The following DLG5 variants were observed in gnomAD, a reference collection of about 807,000 sequenced individuals.
The protein encoded by DLG5 is disks large homolog 5.
Under a neutral mutation model 189.8 loss-of-function variants are expected in DLG5, and 48 were observed. The observed-to-expected ratio is 0.25, with a 90% CI of 0.20 to 0.32. The LOEUF is 0.32. Among genes scored for constraint, DLG5 ranks in the 10% least tolerant of loss-of-function variants. DLG5 has a pLI of 1.00. For missense variants in DLG5, 2,160 were observed against 2,544.7 expected, an observed-to-expected ratio of 0.85 and a Z score of 3.25; for synonymous variants, 1,016 against 1,054.1, an observed-to-expected ratio of 0.96 and a Z score of 0.70.
chr10:77,916,842 G>A (rs556365221), intron 1 of DLG5, among the ~76,000 whole-genome samples: 27 of 148,104 alleles, frequency 1.8e-4, no homozygotes, highest in East Asian at 1.0e-3. Flanking sequence ...ATTCACAATG[G>A]CTAAAAGGTG....
At chr10:77,873,073 A>C (rs991036917) in intron 1 of DLG5, among the ~76,000 whole-genome samples, 1 of 151,698 alleles carries the variant, frequency 6.6e-6, no homozygotes, top group African/African-American at 2.4e-5. Context: ...CACCAACCAC[A>C]AACTTGTGCA....
chr10:77,914,520 G>A (rs1846308643), intron 1 of DLG5, among the ~76,000 whole-genome samples: 1 of 152,150 alleles, frequency 6.6e-6, no homozygotes, highest in East Asian at 1.9e-4. Flanking sequence ...CAGCTTAGGA[G>A]TAAAGAGCTA....
chr10:77,903,446 G>A (rs1845988703), intron 1 of DLG5, among the ~76,000 whole-genome samples: 1 of 150,284 alleles, frequency 6.7e-6, no homozygotes, highest in Non-Finnish European at 1.5e-5. Context: ...AAATAAAAAA[G>A]AAAAATAAAA....
intron 2 of DLG5, among the ~76,000 whole-genome samples, chr10:77,858,688 C>T (rs991942068): frequency 6.6e-6 from 1 of 152,090 alleles, no homozygotes; most frequent in African/African-American, 2.4e-5. Context: ...TTCCTGTCAC[C>T]TAATGACGTC....
intron 5 of DLG5, among the ~76,000 whole-genome samples, chr10:77,847,302 T>C (rs1334903975): frequency 1.3e-5 from 2 of 152,098 alleles, no homozygotes. Context: ...GCTCCACAAG[T>C]GAAAGCTCCT....
chr10:77,913,858 G>A (rs1033846321), intron 1 of DLG5, among the ~76,000 whole-genome samples: 13 of 152,042 alleles, frequency 8.6e-5, no homozygotes, highest in Admixed American at 3.9e-4. Flanking sequence ...TAAAGCGCTG[G>A]GATTACAGGT....
chr10:77,922,847 C>T (rs1846576846), intron 1 of DLG5, among the ~76,000 whole-genome samples: 3 of 152,220 alleles, frequency 2.0e-5, no homozygotes, highest in East Asian at 3.9e-4. Context: ...CTAGTCACTC[C>T]ACACCCCCAG....
intron 15 of DLG5, 41 bp from the exon 16 acceptor site, chr10:77,820,059 A>C (rs775593840): frequency 1.2e-6 from 2 of 1,608,924 alleles, no homozygotes; most frequent in Middle Eastern, 1.7e-4. Flanking sequence ...GAAAGAGTGG[A>C]GTGTGGCCAG....
chr10:77,824,563 G>C, intron 13 of DLG5, 87 bp from the exon 14 acceptor site: 1 of 1,045,098 alleles, frequency 9.6e-7, no homozygotes, highest in Non-Finnish European at 1.4e-6. Flanking sequence ...AACCTCCTGT[G>C]CTAGACAGTC....
intron 15 of DLG5, 195 bp from the exon 16 acceptor site, chr10:77,820,213 G>A: frequency 1.6e-6 from 1 of 632,628 alleles, no homozygotes. Flanking sequence ...GGGCATGGTA[G>A]TGGGTGCCTG....
chr10:77,871,536 CTTTTTTTTTT>C lies in DLG5; in HGVS notation c.305-2349_305-2340del, dbSNP rs34326711. On this transcript the variant is annotated intron_variant, in intron 1 of 31. Transcript: ENST00000372391. The stretch of plus-strand genomic sequence containing the variant: ...CTCAACAAAAACAATAAGCATCACA[CTTTTTTTTTT>C]TTTTTTTTTTTTTTGAGACAGAGTC... Among the ~76,000 whole-genome samples, 340 of 83,916 alleles carry C rather than the reference CTTTTTTTTTT, an allele frequency of 4.1e-3. 2 individuals are homozygous for C. The South Asian group carries it at 0.047, about 12-fold the overall frequency. The allele number at this position is 83,916 out of a possible 152,430, so 55.1% of individuals were successfully genotyped here.
At chr10:77,919,150 AG>A (rs2131861649) in intron 1 of DLG5, among the ~76,000 whole-genome samples, 1 of 152,254 alleles carries the variant, frequency 6.6e-6, no homozygotes, top group African/African-American at 2.4e-5. Flanking sequence ...TGGGAGGCAG[AG>A]GGTGCAGTAA....
At chr10:77,807,501 G>C (rs1034504408) in intron 25 of DLG5, among the ~76,000 whole-genome samples, 2 of 152,150 alleles carry the variant, frequency 1.3e-5, no homozygotes, top group African/African-American at 4.8e-5. Context: ...TGGCTTGGGG[G>C]ACACCAGAAA....
chr10:77,894,787 C>T (rs1336541797), intron 1 of DLG5, among the ~76,000 whole-genome samples: 1 of 152,060 alleles, frequency 6.6e-6, no homozygotes, highest in Non-Finnish European at 1.5e-5. Context: ...CTCCAAGAAG[C>T]CCTCGCTGCT....
At chr10:77,817,385 C>A (rs1275551204) in intron 18 of DLG5, among the ~76,000 whole-genome samples, 1 of 152,204 alleles carries the variant, frequency 6.6e-6, no homozygotes, top group Admixed American at 6.5e-5. Flanking sequence ...CTCCCCAGCG[C>A]CAGAGTTCCC....
chr10:77,803,509 C>G (rs1056393993), intron 27 of DLG5, among the ~76,000 whole-genome samples: 2 of 151,902 alleles, frequency 1.3e-5, no homozygotes, highest in African/African-American at 4.8e-5. Context: ...CAAAGATAAC[C>G]AAAAGAAAAC....
chr10:77,880,659 G>A (rs891286865), intron 1 of DLG5, among the ~76,000 whole-genome samples: 10 of 152,076 alleles, frequency 6.6e-5, no homozygotes, highest in African/African-American at 2.4e-4. Flanking sequence ...TGGAAATGAG[G>A]CAGAGCATTA....
At chr10:77,912,891 C>A (rs902001541) in intron 1 of DLG5, among the ~76,000 whole-genome samples, 6 of 152,096 alleles carry the variant, frequency 3.9e-5, no homozygotes, top group Non-Finnish European at 5.9e-5. Flanking sequence ...AGCAAGCAGA[C>A]CAGTGGTTTT....
At position 77,796,313 on chromosome 10, in the gene DLG5, C is replaced by T; in HGVS notation, c.5309-125G>A. 1 of 1,585,152 alleles carries T rather than the reference C, an allele frequency of 6.3e-7. No homozygotes were observed. Among genetic ancestry groups the T allele is most frequent in the Non-Finnish European group, 8.6e-7 (1 of 1,161,352 alleles). ...AGTCCTGCCATGCATGAATCTGACC[C>T]ATGTCAGCAGGCTTCTGGAACACTG... On this transcript the variant is annotated intron_variant, in intron 28 of 31. Coordinates refer to ENST00000372391, the MANE Select transcript of DLG5 (RefSeq NM_004747.4). This position sits in a 1 kb window ranked among gnomAD's most constrained non-coding sequence, Gnocchi z 5.2.
Sources: gnomAD v4.1 joint callset for allele counts (sites outside exome capture counted in the v4.1 genomes callset) on GRCh38, gnomAD v4.1.1 for gene constraint, Gnocchi (gnomAD v3.1) non-coding constraint, MANE v1.5 for transcripts, NCBI Gene and HGNC (gene_info 2026-07-23, HGNC 2026-07-21) for gene names.